Variants in GNE observed in about 807,000 individuals in gnomAD.
GNE encodes the protein glucosamine (UDP-N-acetyl)-2-epimerase/N-acetylmannosamine kinase.
A neutral mutation model predicts 61.8 loss-of-function variants in GNE; 41 were observed. That is an observed-to-expected ratio of 0.66 (90% CI 0.52 to 0.86). The LOEUF is 0.86. Ranked by LOEUF, GNE falls within the 40% of genes least tolerant of loss-of-function variation. The pLI is 0.00. For missense variants in GNE, 608 were observed against 909.1 expected (o/e 0.67, Z 4.26); for synonymous variants, 264 against 326.4 (o/e 0.81, Z 2.06).
At chr9:36,255,267 G>A (rs1445265728) in intron 1 of GNE, among the ~76,000 whole-genome samples, 1 of 151,804 alleles carries the variant, frequency 6.6e-6, no homozygotes, top group Non-Finnish European at 1.5e-5. Flanking sequence ...GAGTGCAGTG[G>A]TGCGACCTCA....
At position 36,219,820 on chromosome 9, in the gene GNE, C is replaced by G; in HGVS notation, c.1816+18G>C. ...TCTACTATTTGGTTACTTAATTCCT[C>G]GAGAGAGGGACACCAACCATCATGG... On this transcript the variant is annotated intron_variant, in intron 10 of 11. Transcript: ENST00000642385. 2 of 1,611,222 alleles carry G rather than the reference C, an allele frequency of 1.2e-6. No individual in the cohort carries two copies. The highest frequency in any genetic ancestry group is 1.7e-6 in the Non-Finnish European group (2 of 1,177,328).
chr9:36,224,698 C>T (rs1257873160), intron 7 of GNE, among the ~76,000 whole-genome samples: 1 of 151,884 alleles, frequency 6.6e-6, no homozygotes, highest in Non-Finnish European at 1.5e-5. Flanking sequence ...GAGGAAATCC[C>T]ATCTCTATAA....
rs141863515 is a variant in GNE at position 36,256,916 on chromosome 9, T to A, written c.-43+1405A>T. 4.6e-5 allele frequency among the ~76,000 whole-genome samples: 7 copies of A among 152,288 alleles called. No homozygotes were observed. In the East Asian group the frequency reaches 1.4e-3, roughly 29 times the overall value. ...CTTGCCCCAAATCACTGTTTAATAG[T>A]TCATCATTGGCCAGGCGCGGTGGCT... On this transcript the variant is annotated intron_variant, in intron 1 of 11. Coordinates refer to ENST00000642385, the MANE Select transcript of GNE (RefSeq NM_005476.7).
chr9:36,271,498 C>T (rs1307328868), intron 1 of GNE, among the ~76,000 whole-genome samples: 1 of 152,160 alleles, frequency 6.6e-6, no homozygotes, highest in Admixed American at 6.5e-5. Flanking sequence ...CTCAGCCTCC[C>T]AAGTAGCTGG....
chr9:36,226,330 G>A (rs1409980204), intron 7 of GNE, among the ~76,000 whole-genome samples: 3 of 143,478 alleles, frequency 2.1e-5, no homozygotes, highest in African/African-American at 7.6e-5. Flanking sequence ...CTGCCACCAT[G>A]CCCAGCTAAT....
intron 8 of GNE, 73 bp from the exon 9 acceptor site, chr9:36,223,071 T>C: frequency 7.3e-7 from 1 of 1,377,110 alleles, no homozygotes; most frequent in Admixed American, 1.7e-5. Flanking sequence ...CTTTCTTGTC[T>C]TAAGAACACA....
At chr9:36,267,313 C>T (rs1367346904) in intron 1 of GNE, among the ~76,000 whole-genome samples, 1 of 152,188 alleles carries the variant, frequency 6.6e-6, no homozygotes, top group Non-Finnish European at 1.5e-5. Context: ...GTGAGCCATC[C>T]CTATGCTCCT....
chr9:36,235,308 G>A lies in GNE; in HGVS notation c.770-1176C>T, dbSNP rs191573433. 5.9e-3 allele frequency among the ~76,000 whole-genome samples: 893 copies of A among 152,258 alleles called. 11 individuals carry two copies. Among genetic ancestry groups the A allele is most frequent in the African/African-American group, 0.02 (821 of 41,542 alleles). The stretch of plus-strand genomic sequence containing the variant: ...AAGCCCCTCTTTGGCTTAAGGCTTC[G>A]ATAATCCATTTTCCGGAGGGAGTCC... On this transcript the variant is annotated intron_variant, in intron 4 of 11. Coordinates refer to ENST00000642385, the MANE Select transcript of GNE (RefSeq NM_005476.7).
intron 3 of GNE, among the ~76,000 whole-genome samples, chr9:36,238,313 C>T (rs1829488559): frequency 6.6e-6 from 1 of 151,048 alleles, no homozygotes; most frequent in Non-Finnish European, 1.5e-5. Context: ...AGTGGAATTG[C>T]TGGATCAAAT....
chr9:36,259,346 T>C (rs553515186), upstream of GNE, among the ~76,000 whole-genome samples: 6 of 152,344 alleles, frequency 3.9e-5, no homozygotes, highest in African/African-American at 1.4e-4. Flanking sequence ...TGAGTCACCA[T>C]TGACAAGAAA....
chr9:36,230,188 C>T (rs890118435), intron 5 of GNE, among the ~76,000 whole-genome samples: 13 of 152,212 alleles, frequency 8.5e-5, no homozygotes, highest in Non-Finnish European at 1.5e-4. Context: ...AGTGATCCAC[C>T]TGCCTTGGCC....
Position 36,216,445 on chromosome 9 carries a change from C to T in GNE, c.*920G>A. ...CCGCCTCCCGGGTTCAAGCAATTCT[C>T]CTGCCTCAGCCTCCCGAGTAGCTGG... On this transcript the variant is annotated 3_prime_UTR_variant, in exon 12 of 12. Transcript: ENST00000642385. 9 of 293,442 alleles carry T rather than the reference C, an allele frequency of 3.1e-5. No homozygotes were observed. The highest frequency in any genetic ancestry group is 1.9e-4 in the South Asian group (7 of 37,520). The allele number at this position is 293,442 out of a possible 1,614,324, so 18.2% of individuals were successfully genotyped here.
chr9:36,228,171 T>C (rs1016601457), intron 6 of GNE, among the ~76,000 whole-genome samples: 1 of 151,722 alleles, frequency 6.6e-6, no homozygotes, highest in African/African-American at 2.4e-5. Context: ...AGTTAAAAAC[T>C]ATAAATCATA....
intron 4 of GNE, 45 bp downstream of exon 4, chr9:36,236,787 A>G (rs1050913513): frequency 6.4e-7 from 1 of 1,569,268 alleles, no homozygotes; most frequent in Non-Finnish European, 8.8e-7. Context: ...GAAACATAAA[A>G]TTGGGAAAAG....
chr9:36,258,731 A>C (rs1378820929), upstream of GNE, among the ~76,000 whole-genome samples: 1 of 152,208 alleles, frequency 6.6e-6, no homozygotes, highest in Non-Finnish European at 1.5e-5. Flanking sequence ...ACACGCACTG[A>C]AGCCCGAGTC....
chr9:36,229,507 C>G (rs1829044065), intron 5 of GNE, among the ~76,000 whole-genome samples: 1 of 152,204 alleles, frequency 6.6e-6, no homozygotes, highest in Admixed American at 6.5e-5. Context: ...TCCCTCCAGA[C>G]ATTTCCTGAC....
intron 7 of GNE, among the ~76,000 whole-genome samples, chr9:36,226,660 A>G (rs1828876940): frequency 6.6e-6 from 1 of 152,130 alleles, no homozygotes; most frequent in Non-Finnish European, 1.5e-5. Flanking sequence ...CACTCACACT[A>G]TTTCAAACCA....
chr9:36,257,800 C>G (rs10972808), intron 1 of GNE, among the ~76,000 whole-genome samples: 1 of 83,366 alleles, frequency 1.2e-5, no homozygotes, highest in Non-Finnish European at 2.0e-5. Context: ...GAGACTCAGT[C>G]TCAAAAAAAA....
intron 4 of GNE, among the ~76,000 whole-genome samples, chr9:36,234,614 G>A (rs960220212): frequency 6.6e-6 from 1 of 152,148 alleles, no homozygotes; most frequent in African/African-American, 2.4e-5. Context: ...AATACACATA[G>A]ATTCTGATAA....
Sources: gnomAD v4.1 joint callset for allele counts (sites outside exome capture counted in the v4.1 genomes callset) on GRCh38, gnomAD v4.1.1 for gene constraint, MANE v1.5 for transcripts, NCBI Gene and HGNC (gene_info 2026-07-23, HGNC 2026-07-21) for gene names.